CHST11: variants seen among roughly 807,000 people sequenced by gnomAD.
CHST11 encodes the protein carbohydrate sulfotransferase 11.
CHST11 carries 9 observed loss-of-function variants against 30.4 expected under a neutral mutation model. The ratio of observed to expected loss-of-function variants is 0.30; its 90% CI spans 0.18 to 0.52. The LOEUF (loss-of-function observed/expected upper bound fraction) is 0.52, where lower values mean the gene tolerates loss of function less well. CHST11 is among the 20% of genes least tolerant of loss of function. The pLI, the probability that CHST11 is intolerant of heterozygous loss-of-function variation, is 0.97. For missense variants in CHST11, 348 were observed against 460.6 expected, an observed-to-expected ratio of 0.76 and a Z score of 2.24; for synonymous variants, 152 against 187.8, an observed-to-expected ratio of 0.81 and a Z score of 1.56.
intron 1 of CHST11, among the ~76,000 whole-genome samples, chr12:104,460,990 T>C (rs1429755008): frequency 2.6e-5 from 4 of 152,208 alleles, no homozygotes; most frequent in Admixed American, 2.0e-4. Context: ...ATAGAATGTT[T>C]GCTGGATGAA....
At chr12:104,502,968 C>T (rs896978330) in intron 1 of CHST11, among the ~76,000 whole-genome samples, 15 of 152,322 alleles carry the variant, frequency 9.8e-5, no homozygotes, top group Middle Eastern at 3.4e-3. Context: ...AGCTGGGATT[C>T]GGCCTTGCTA....
intron 2 of CHST11, among the ~76,000 whole-genome samples, chr12:104,736,569 G>A (rs1347389133): frequency 6.6e-6 from 1 of 152,214 alleles, no homozygotes; most frequent in Non-Finnish European, 1.5e-5. Context: ...AGCACCCCAG[G>A]CTGACTGAGC....
intron 1 of CHST11, among the ~76,000 whole-genome samples, chr12:104,505,933 T>C (rs1387427732): frequency 1.3e-5 from 2 of 152,236 alleles, no homozygotes; most frequent in Admixed American, 1.3e-4. Flanking sequence ...TTACTAGCAT[T>C]GTTTTTACTC....
Position 104,716,971 on chromosome 12 carries a change from T to C in CHST11, c.205-39978T>C, listed in dbSNP as rs150675436. On this transcript the variant is annotated intron_variant, in intron 2 of 2. Coordinates refer to ENST00000303694, the MANE Select transcript of CHST11 (RefSeq NM_018413.6). ...CACCTTCATTCCTTGGCTCATGACA[T>C]GCTTCCATCCTCAGAGCCGGCAATG... is the stretch of plus-strand genomic sequence containing the variant. Among the ~76,000 whole-genome samples, 672 of 152,338 alleles carry C rather than the reference T, an allele frequency of 4.4e-3. 8 individuals carry two copies. Among genetic ancestry groups the C allele is most frequent in the African/African-American group, 0.015 (644 of 41,566 alleles).
At chr12:104,517,252 G>A (rs903693543) in intron 1 of CHST11, among the ~76,000 whole-genome samples, 12 of 152,174 alleles carry the variant, frequency 7.9e-5, no homozygotes, top group African/African-American at 1.7e-4. Flanking sequence ...AAAGTTCAGC[G>A]CCTGGGCTCC....
Position 104,607,627 on chromosome 12 carries a change from C to T in CHST11, c.204+5636C>T, listed in dbSNP as rs149037876. On this transcript the variant is annotated intron_variant, in intron 2 of 2. Coordinates refer to ENST00000303694, the MANE Select transcript of CHST11 (RefSeq NM_018413.6). ...AAAGAAGAGAGACAGCATCACAGAACGGGGAACATCAGCGAGGCCACAGGG... is the reference window on the plus strand; with the variant it reads ...AAAGAAGAGAGACAGCATCACAGAATGGGGAACATCAGCGAGGCCACAGGG... Among the ~76,000 whole-genome samples, 260 of 152,164 alleles carry T rather than the reference C, an allele frequency of 1.7e-3. 2 individuals are homozygous for T. Among genetic ancestry groups the T allele is most frequent in the African/African-American group, 5.9e-3 (243 of 41,484 alleles).
chr12:104,492,039 T>C (rs2037752680), intron 1 of CHST11, among the ~76,000 whole-genome samples: 2 of 152,342 alleles, frequency 1.3e-5, no homozygotes, highest in South Asian at 4.1e-4. Flanking sequence ...GTATACCTCC[T>C]TGGAGACACC....
At chr12:104,506,834 C>T (rs2037911467) in intron 1 of CHST11, among the ~76,000 whole-genome samples, 1 of 152,120 alleles carries the variant, frequency 6.6e-6, no homozygotes, top group Non-Finnish European at 1.5e-5. Context: ...AGAGGAGGGA[C>T]CACAGGGAGG....
rs541005837 is a variant in CHST11 at position 104,615,271 on chromosome 12, C to T, written c.204+13280C>T. On this transcript the variant is annotated intron_variant, in intron 2 of 2. Transcript: ENST00000303694. ...ATGGCAAATACACAGTTCTGGCAGTCGTTTTGAGTATTGGAGAAATCGCTC... is the reference window on the plus strand; with the variant it reads ...ATGGCAAATACACAGTTCTGGCAGTTGTTTTGAGTATTGGAGAAATCGCTC... 3.3e-5 allele frequency among the ~76,000 whole-genome samples: 5 copies of T among 152,284 alleles called. No individual in the cohort carries two copies. The South Asian group carries it at 6.2e-4, about 19-fold the overall frequency.
intron 2 of CHST11, among the ~76,000 whole-genome samples, chr12:104,671,700 A>T (rs1190717677): frequency 6.6e-6 from 1 of 152,192 alleles, no homozygotes; most frequent in Non-Finnish European, 1.5e-5. Flanking sequence ...CCTTGAACTT[A>T]TGATTTGAAT....
chr12:104,711,084 G>T (rs761816221), intron 2 of CHST11, among the ~76,000 whole-genome samples: 1 of 151,954 alleles, frequency 6.6e-6, no homozygotes, highest in Non-Finnish European at 1.5e-5. Context: ...TTGCGTGGGG[G>T]GTGTATATTC....
At position 104,579,636 on chromosome 12, in the gene CHST11, A is replaced by G. The variant is rs1204157022; in HGVS notation, c.119-22270A>G. Among the ~76,000 whole-genome samples, 3 of 152,288 alleles carry G rather than the reference A, an allele frequency of 2.0e-5. No individual in the cohort carries two copies. In the East Asian group the frequency reaches 5.8e-4, roughly 29 times the overall value. ...ATACATGGTAACGTGGGTAACTTTCATTTGTCAATGTGTGGATGCGCCGCC... is the reference window on the plus strand; with the variant it reads ...ATACATGGTAACGTGGGTAACTTTCGTTTGTCAATGTGTGGATGCGCCGCC... On this transcript the variant is annotated intron_variant, in intron 1 of 2. Coordinates refer to ENST00000303694, the MANE Select transcript of CHST11 (RefSeq NM_018413.6).
chr12:104,726,793 G>A (rs193018762), intron 2 of CHST11, among the ~76,000 whole-genome samples: 1 of 152,286 alleles, frequency 6.6e-6, no homozygotes, highest in East Asian at 1.9e-4. Flanking sequence ...CTTAGATGTG[G>A]TTGTATATGT....
intron 1 of CHST11, chr12:104,514,014 G>A: frequency 5.2e-6 from 4 of 764,404 alleles, no homozygotes; most frequent in Non-Finnish European, 9.4e-6. Flanking sequence ...GGCAGTGGGA[G>A]TGCAGACTTA....
chr12:104,490,574 C>G (rs967214110), intron 1 of CHST11, among the ~76,000 whole-genome samples: 1 of 152,190 alleles, frequency 6.6e-6, no homozygotes, highest in African/African-American at 2.4e-5. Flanking sequence ...ACAATGATTT[C>G]CTTTCTTGAA....
At chr12:104,671,415 A>G (rs986718059) in intron 2 of CHST11, among the ~76,000 whole-genome samples, 3 of 152,212 alleles carry the variant, frequency 2.0e-5, no homozygotes, top group Non-Finnish European at 4.4e-5. Context: ...TGTTAAGAAT[A>G]TTCGATGAGG....
chr12:104,602,425 A>G (rs936399406), intron 2 of CHST11: 2 of 188,774 alleles, frequency 1.1e-5, no homozygotes, highest in Non-Finnish European at 2.2e-5. Context: ...CAGTTTGGCA[A>G]ACTCCCTTGC....
intron 1 of CHST11, among the ~76,000 whole-genome samples, chr12:104,522,907 A>C (rs1278958031): frequency 1.3e-5 from 2 of 152,156 alleles, no homozygotes; most frequent in East Asian, 3.8e-4. Context: ...GTGGTATGGT[A>C]TAGAGACTTG....
chr12:104,530,483 G>C (rs2038172165), intron 1 of CHST11, among the ~76,000 whole-genome samples: 1 of 152,186 alleles, frequency 6.6e-6, no homozygotes. Context: ...AAGCTCCTGT[G>C]TGATGAAAAT....
Sources: gnomAD v4.1 joint callset for allele counts (sites outside exome capture counted in the v4.1 genomes callset) on GRCh38, gnomAD v4.1.1 for gene constraint, MANE v1.5 for transcripts, NCBI Gene and HGNC (gene_info 2026-07-23, HGNC 2026-07-21) for gene names.